MAPK10: variants seen among roughly 807,000 people sequenced by gnomAD.
MAPK10 encodes JNK3 alpha protein kinase.
Under a neutral mutation model 59.3 loss-of-function variants are expected in MAPK10, and 25 were observed. The ratio of observed to expected loss-of-function variants is 0.42; its 90% CI spans 0.31 to 0.59. MAPK10 has a LOEUF of 0.59. Among genes scored for constraint, MAPK10 ranks in the 20% least tolerant of loss-of-function variants. The pLI is 0.15. For synonymous variants in MAPK10, 190 were observed against 200.5 expected (o/e 0.95, Z 0.44); for missense variants, 351 against 568.9 (o/e 0.62, Z 3.90).
chr4:86,569,123 TA>T (rs151192016), intron 1 of MAPK10, among the ~76,000 whole-genome samples: 7,122 of 151,630 alleles, frequency 0.047, 220 homozygotes, highest in African/African-American at 0.059. Context: ...ATAACTCCAC[TA>T]AAAAGTAGGC....
chr4:86,570,454 AAT>A (rs1485555525), intron 1 of MAPK10, among the ~76,000 whole-genome samples: 4 of 152,122 alleles, frequency 2.6e-5, no homozygotes, highest in Non-Finnish European at 5.9e-5. Flanking sequence ...TTATGAAAAT[AAT>A]ACTCAATATT....
intron 1 of MAPK10, among the ~76,000 whole-genome samples, chr4:86,387,080 G>A (rs1741558736): frequency 6.6e-6 from 1 of 152,174 alleles, no homozygotes; most frequent in South Asian, 2.1e-4. Flanking sequence ...CTATGGAAAA[G>A]ACAAATTCTG....
At chr4:86,095,113 A>G (rs973788661) in intron 9 of MAPK10, 8 of 151,922 alleles carry the variant, frequency 5.3e-5, no homozygotes, top group Non-Finnish European at 1.2e-4. Flanking sequence ...TAGCAAATTA[A>G]TAAGTGGAAA....
chr4:86,066,752 C>CAA (rs60413311), intron 10 of MAPK10, among the ~76,000 whole-genome samples: 581 of 85,160 alleles, frequency 6.8e-3, no homozygotes, highest in East Asian at 0.02. Flanking sequence ...GACTCTGTCT[C>CAA]AAAAAAAAAA....
chr4:86,100,164 ATAAATAT>A (rs1349691617), intron 8 of MAPK10: 3 of 152,190 alleles, frequency 2.0e-5, no homozygotes, highest in African/African-American at 7.2e-5. Flanking sequence ...GAATATAAAA[ATAAATAT>A]TAAAGATACA....
intron 1 of MAPK10, among the ~76,000 whole-genome samples, chr4:86,468,029 A>G (rs1363550613): frequency 6.6e-6 from 1 of 152,216 alleles, no homozygotes; most frequent in African/African-American, 2.4e-5. Flanking sequence ...GGTCGGCCAG[A>G]ACAAAATGCT....
intron 4 of MAPK10, among the ~76,000 whole-genome samples, chr4:86,148,882 C>T (rs766075326): frequency 1.3e-5 from 2 of 152,062 alleles, no homozygotes; most frequent in South Asian, 2.1e-4. Flanking sequence ...CTGTGAAAAA[C>T]GCAAGCACAA....
intron 1 of MAPK10, among the ~76,000 whole-genome samples, chr4:86,518,805 A>G (rs541287331): frequency 3.3e-5 from 5 of 152,204 alleles, no homozygotes; most frequent in African/African-American, 1.2e-4. Context: ...AGGTTTTGAT[A>G]GGCTGTGTCA....
intron 2 of MAPK10, among the ~76,000 whole-genome samples, chr4:86,295,226 C>T (rs764407777): frequency 3.9e-5 from 6 of 152,124 alleles, no homozygotes; most frequent in Non-Finnish European, 7.3e-5. Flanking sequence ...TTAACCCCCT[C>T]GGGCCCCACG....
At chr4:86,263,010 C>T (rs562398642) in intron 2 of MAPK10, among the ~76,000 whole-genome samples, 2 of 152,164 alleles carry the variant, frequency 1.3e-5, no homozygotes, top group African/African-American at 2.4e-5. Flanking sequence ...GTATTTACTC[C>T]TCCAGCTCCC....
At chr4:86,238,476 T>A (rs747093628) in intron 2 of MAPK10, among the ~76,000 whole-genome samples, 1 of 152,248 alleles carries the variant, frequency 6.6e-6, no homozygotes, top group Non-Finnish European at 1.5e-5. Context: ...TTCCTTTCCA[T>A]GAGGATGGAA....
intron 2 of MAPK10, among the ~76,000 whole-genome samples, chr4:86,301,231 G>A (rs2095467768): frequency 1.3e-5 from 2 of 151,986 alleles, no homozygotes; most frequent in South Asian, 4.2e-4. Context: ...TGAGAACCAG[G>A]GCTGGTATTT....
chr4:86,018,489 A>C (rs1391851631), intron 13 of MAPK10, among the ~76,000 whole-genome samples: 1 of 152,190 alleles, frequency 6.6e-6, no homozygotes, highest in Non-Finnish European at 1.5e-5. Context: ...AAAATTGTTT[A>C]TCTGTTATGC....
chr4:86,480,035 T>C (rs961082543), intron 1 of MAPK10, among the ~76,000 whole-genome samples: 6 of 152,122 alleles, frequency 3.9e-5, no homozygotes, highest in Non-Finnish European at 8.8e-5. Context: ...TTATGTTTTA[T>C]TTTTCTTACT....
chr4:86,205,863 T>C (rs1365547548), intron 2 of MAPK10, among the ~76,000 whole-genome samples: 2 of 151,978 alleles, frequency 1.3e-5, no homozygotes, highest in African/African-American at 4.8e-5. Context: ...AAATATCATA[T>C]TTAATGATGA....
At chr4:86,449,314 C>T (rs1750419450) in intron 1 of MAPK10, among the ~76,000 whole-genome samples, 1 of 152,112 alleles carries the variant, frequency 6.6e-6, no homozygotes, top group Non-Finnish European at 1.5e-5. Context: ...AGGTACTAAC[C>T]AAAAAACACT....
At chr4:86,030,863 A>G (rs1159143550) in intron 12 of MAPK10, among the ~76,000 whole-genome samples, 2 of 152,222 alleles carry the variant, frequency 1.3e-5, no homozygotes, top group African/African-American at 4.8e-5. Flanking sequence ...GATTTAGATT[A>G]GTAGATTAGA....
chr4:86,509,971 G>A (rs925424498), intron 1 of MAPK10, among the ~76,000 whole-genome samples: 4 of 152,172 alleles, frequency 2.6e-5, no homozygotes, highest in Admixed American at 2.6e-4. Context: ...TGTAAAATCT[G>A]GTGTACTTGG....
intron 4 of MAPK10, chr4:86,152,397 C>A (rs2066700718): frequency 6.6e-6 from 1 of 152,188 alleles, no homozygotes; most frequent in Admixed American, 6.5e-5. Context: ...CTGTCATACA[C>A]AGAAGCTTAA....
Sources: gnomAD v4.1 joint callset for allele counts (sites outside exome capture counted in the v4.1 genomes callset) on GRCh38, gnomAD v4.1.1 for gene constraint, MANE v1.5 for transcripts, NCBI Gene and HGNC (gene_info 2026-07-23, HGNC 2026-07-21) for gene names.